Variants in CCDC171 observed in about 807,000 individuals in gnomAD.
The protein encoded by CCDC171 is coiled-coil domain-containing protein 171.
Under a neutral mutation model 168.2 loss-of-function variants are expected in CCDC171, and 177 were observed. That is an observed-to-expected ratio of 1.05 (90% CI 0.93 to 1.19). The LOEUF (loss-of-function observed/expected upper bound fraction) is 1.19, where lower values mean the gene tolerates loss of function less well. Among genes scored for constraint, CCDC171 ranks in the 50% most tolerant of loss-of-function variants. CCDC171 has a pLI of 0.00. For missense variants in CCDC171, 1,991 were observed against 1,539.0 expected (o/e 1.29, Z -4.91); for synonymous variants, 687 against 540.8 (o/e 1.27, Z -3.75).
chr9:15,748,672 C>T (rs778417980), intron 18 of CCDC171, among the ~76,000 whole-genome samples: 1 of 152,196 alleles, frequency 6.6e-6, no homozygotes, highest in Non-Finnish European at 1.5e-5. Flanking sequence ...CAATATTCAA[C>T]ATTCTTAAAG....
At chr9:15,611,348 C>T (rs532817222) in intron 6 of CCDC171, among the ~76,000 whole-genome samples, 11 of 152,262 alleles carry the variant, frequency 7.2e-5, no homozygotes, top group Admixed American at 2.6e-4. Context: ...AGAACCTTTC[C>T]GCAAATGTCC....
chr9:15,811,947 G>C (rs1336503745), intron 21 of CCDC171, among the ~76,000 whole-genome samples: 2 of 152,128 alleles, frequency 1.3e-5, no homozygotes, highest in African/African-American at 2.4e-5. Flanking sequence ...TTAAGTTGTG[G>C]GAAAACATTT....
intron 24 of CCDC171, among the ~76,000 whole-genome samples, chr9:15,899,166 A>G (rs1250377920): frequency 6.6e-6 from 1 of 152,150 alleles, no homozygotes; most frequent in Non-Finnish European, 1.5e-5. Context: ...TTATTTGTCA[A>G]TATTGATTAA....
intron 16 of CCDC171, among the ~76,000 whole-genome samples, chr9:15,738,359 G>A (rs2054625754): frequency 6.6e-6 from 1 of 152,196 alleles, no homozygotes; most frequent in South Asian, 2.1e-4. Flanking sequence ...GAGAGTAAAG[G>A]AAAACTGGTG....
At chr9:15,809,536 G>A (rs1225848629) in intron 21 of CCDC171, among the ~76,000 whole-genome samples, 2 of 151,994 alleles carry the variant, frequency 1.3e-5, no homozygotes, top group African/African-American at 4.8e-5. Flanking sequence ...TGGTGGGTTC[G>A]TGGTCTCGCT....
chr9:15,827,361 T>C (rs563622565), intron 21 of CCDC171, among the ~76,000 whole-genome samples: 1 of 152,194 alleles, frequency 6.6e-6, no homozygotes, highest in Non-Finnish European at 1.5e-5. Context: ...CCACCTTGTA[T>C]TGTAGTGGTT....
chr9:15,955,717 T>C (rs1829731580), intron 25 of CCDC171, among the ~76,000 whole-genome samples: 1 of 152,208 alleles, frequency 6.6e-6, no homozygotes, highest in South Asian at 2.1e-4. Context: ...AGCTGGTTCC[T>C]GGTGCTTACT....
intron 21 of CCDC171, among the ~76,000 whole-genome samples, chr9:15,827,606 G>T (rs1015298112): frequency 6.6e-6 from 1 of 152,058 alleles, no homozygotes; most frequent in African/African-American, 2.4e-5. Flanking sequence ...TACACCTAGG[G>T]GAATGCCATA....
intron 4 of CCDC171, chr9:15,588,282 C>T: frequency 5.1e-6 from 1 of 196,578 alleles, no homozygotes; most frequent in Non-Finnish European, 1.1e-5. Flanking sequence ...GCAAGAAGGA[C>T]CCCCGGACTG....
At chr9:15,605,531 A>AT (rs1315397037) in intron 6 of CCDC171, among the ~76,000 whole-genome samples, 1 of 149,952 alleles carries the variant, frequency 6.7e-6, no homozygotes, top group East Asian at 2.0e-4. Context: ...AAAAAAAAAA[A>AT]AAAAAATTAG....
the CCDC171 span, among the ~76,000 whole-genome samples, chr9:16,081,855 T>TTA: frequency 6.8e-6 from 1 of 147,504 alleles, no homozygotes; most frequent in African/African-American, 2.5e-5. Context: ...TTGATTACTT[T>TTA]AAAAAAAAAA....
At chr9:15,827,847 T>A (rs1002262914) in intron 21 of CCDC171, among the ~76,000 whole-genome samples, 3 of 152,182 alleles carry the variant, frequency 2.0e-5, no homozygotes, top group African/African-American at 7.2e-5. Context: ...AATTTTTTTG[T>A]GTGTCTGAGC....
chr9:16,093,425 A>G, the CCDC171 span, among the ~76,000 whole-genome samples: 1 of 152,102 alleles, frequency 6.6e-6, no homozygotes, highest in African/African-American at 2.4e-5. Context: ...CCCCATTTCT[A>G]TCTGATTCAT....
intron 23 of CCDC171, among the ~76,000 whole-genome samples, chr9:15,860,685 G>A (rs1202053328): frequency 6.6e-6 from 1 of 151,844 alleles, no homozygotes; most frequent in African/African-American, 2.4e-5. Context: ...GATATATCCT[G>A]GAAAATGACG....
At position 15,594,165 on chromosome 9, in the gene CCDC171, T is replaced by C. The variant is rs1214135260; in HGVS notation, c.668T>C (p.Ile223Thr). Residue 223 changes from isoleucine (I) to threonine (T), a missense_variant, in exon 6 of 26, where the codon ATA (isoleucine) becomes ACA (threonine). Coordinates refer to ENST00000380701, the MANE Select transcript of CCDC171 (RefSeq NM_173550.4). Reference protein sequence around the residue: ...WEAERRELQFIVQEQDTAVQN... With the variant: ...WEAERRELQFTVQEQDTAVQN... Reference sequence around the variant, plus strand: ...GCAGAAAGAAGAGAATTACAATTTATAGTACAGGTATTTTAAAAATAATCA... The same window carrying C: ...GCAGAAAGAAGAGAATTACAATTTACAGTACAGGTATTTTAAAAATAATCA... 2.2e-6 allele frequency: 3 copies of C among 1,387,338 alleles called. No individual in the cohort carries two copies. Among genetic ancestry groups the C allele is most frequent in the East Asian group, 2.4e-5 (1 of 42,182 alleles). The allele number at this position is 1,387,338 out of a possible 1,614,324, so 85.9% of individuals were successfully genotyped here.
intron 16 of CCDC171, among the ~76,000 whole-genome samples, chr9:15,743,875 A>G (rs1484161281): frequency 6.6e-6 from 1 of 152,196 alleles, no homozygotes; most frequent in Non-Finnish European, 1.5e-5. Context: ...GAAACCCTCT[A>G]TTGGCAGTGT....
chr9:16,101,108 T>A, the CCDC171 span, among the ~76,000 whole-genome samples: 1 of 152,112 alleles, frequency 6.6e-6, no homozygotes, highest in East Asian at 1.9e-4. Flanking sequence ...CCTTCTCTTA[T>A]CACCAAAGGG....
chr9:15,774,404 A>G (rs1277508871), intron 18 of CCDC171, among the ~76,000 whole-genome samples: 2 of 152,050 alleles, frequency 1.3e-5, no homozygotes, highest in African/African-American at 4.8e-5. Flanking sequence ...CCATGATGCC[A>G]TTACTGCCTC....
At chr9:15,784,067 G>C (rs2057807069) in intron 20 of CCDC171, among the ~76,000 whole-genome samples, 2 of 152,110 alleles carry the variant, frequency 1.3e-5, no homozygotes, top group Non-Finnish European at 2.9e-5. Context: ...GAGTTGGAGA[G>C]GTGTAGTCAT....
Sources: gnomAD v4.1 joint callset for allele counts (sites outside exome capture counted in the v4.1 genomes callset) on GRCh38, gnomAD v4.1.1 for gene constraint, MANE v1.5 for transcripts, NCBI Gene and HGNC (gene_info 2026-07-23, HGNC 2026-07-21) for gene names.